Variants in SLC7A11 observed in about 807,000 individuals in gnomAD.
The protein encoded by SLC7A11 is solute carrier family 7 member 11.
In SLC7A11, 35 loss-of-function variants were observed where a neutral mutation model predicts 54.5. That is an observed-to-expected ratio of 0.64 (90% confidence interval 0.49 to 0.85). The LOEUF (loss-of-function observed/expected upper bound fraction) is 0.85. Ranked by LOEUF, SLC7A11 falls within the 40% of genes least tolerant of loss-of-function variation. The pLI, the probability that SLC7A11 is intolerant of heterozygous loss-of-function variation, is 0.00. For synonymous variants in SLC7A11, 230 were observed against 225.2 expected (o/e 1.02, Z -0.19); for missense variants, 583 against 618.1 (o/e 0.94, Z 0.60).
rs1736254629 is a variant in SLC7A11, at chr4:138,166,291, C to T, written c.*5665G>A. The stretch of plus-strand genomic sequence containing the variant: ...TAATACACATTTAAGTCAGACCACT[C>T]ACAACCCAACAAATTATACAGCTTT... On this transcript the variant is annotated 3_prime_UTR_variant, in exon 12 of 12. Coordinates refer to ENST00000280612, the MANE Select transcript of SLC7A11 (RefSeq NM_014331.4). 1 of 152,108 alleles carries T rather than the reference C, an allele frequency of 6.6e-6. No homozygotes were observed. Among genetic ancestry groups the T allele is most frequent in the African/African-American group, 2.4e-5 (1 of 41,422 alleles). 9.4% of individuals were successfully genotyped at this position (152,108 alleles called of 1,614,324 possible).
chr4:138,201,320 G>A (rs532596511), intron 6 of SLC7A11, among the ~76,000 whole-genome samples: 85 of 152,060 alleles, frequency 5.6e-4, no homozygotes, highest in Non-Finnish European at 7.8e-4. Context: ...GTATCAGTAC[G>A]GGTTATTGTT....
At chr4:138,208,070 C>T (rs1337719807) in intron 6 of SLC7A11, among the ~76,000 whole-genome samples, 1 of 151,990 alleles carries the variant, frequency 6.6e-6, no homozygotes. Flanking sequence ...GGCATTTTTC[C>T]CAAACCAAGT....
At chr4:138,178,963 TAA>T (rs1259239255) in intron 11 of SLC7A11, among the ~76,000 whole-genome samples, 1 of 152,104 alleles carries the variant, frequency 6.6e-6, no homozygotes, top group Admixed American at 6.6e-5. Context: ...GAACTACTGA[TAA>T]AATTTCATCT....
chr4:138,196,589 A>G (rs887097928), intron 6 of SLC7A11, among the ~76,000 whole-genome samples: 1 of 152,002 alleles, frequency 6.6e-6, no homozygotes, highest in Non-Finnish European at 1.5e-5. Context: ...GGAAAAAAAG[A>G]CTTGTTATGA....
At chr4:138,238,228 C>T (rs1738287843) in intron 1 of SLC7A11, among the ~76,000 whole-genome samples, 1 of 152,150 alleles carries the variant, frequency 6.6e-6, no homozygotes, top group African/African-American at 2.4e-5. Context: ...CAGCTTCTAC[C>T]TCATAAAGGA....
At chr4:138,229,258 G>T (rs956942208) in intron 3 of SLC7A11, among the ~76,000 whole-genome samples, 3 of 152,098 alleles carry the variant, frequency 2.0e-5, no homozygotes, top group African/African-American at 7.2e-5. Flanking sequence ...AGAAAGCAGG[G>T]TGTGAGAGAT....
chr4:138,193,179 T>C (rs1319527876), intron 6 of SLC7A11, among the ~76,000 whole-genome samples: 2 of 152,086 alleles, frequency 1.3e-5, no homozygotes, highest in Non-Finnish European at 2.9e-5. Context: ...CCACCCAAAA[T>C]TGCCTCCAAC....
Position 138,223,286 on chromosome 4 carries a change from T to A in SLC7A11, c.559A>T (p.Ser187Cys), listed in dbSNP as rs1227044742. 1.2e-6 allele frequency: 2 copies of A among 1,613,668 alleles called. No individual in the cohort carries two copies. The highest frequency in any genetic ancestry group is 3.3e-5 in the Admixed American group (2 of 60,006). ...MVLNSMSVSW[S>C]ARIQIFLTFC... ...GTTAAGAAAATCTGGATCCGGGCGC[T>A]CCAGCTGACACTCATGCTATTTAGG... Residue 187 changes from serine to cysteine, a missense_variant, in exon 4 of 12, where the codon AGC becomes TGC. Transcript: ENST00000280612.
rs1196601039 is a variant in SLC7A11, at chr4:138,164,620, T to C, written c.*7336A>G. On this transcript the variant is annotated 3_prime_UTR_variant, in exon 12 of 12. Coordinates refer to ENST00000280612, the MANE Select transcript of SLC7A11 (RefSeq NM_014331.4). Reference sequence around the variant, plus strand: ...AGAAATAAAATGCAGTTTTGCTCTTTAAGAATTTTATCAATGTAAGACATT... The same window carrying C: ...AGAAATAAAATGCAGTTTTGCTCTTCAAGAATTTTATCAATGTAAGACATT... The C allele has an allele frequency of 6.6e-6, 1 of 152,160 alleles. No individual in the cohort carries two copies. The highest frequency in any genetic ancestry group is 2.4e-5 in the African/African-American group (1 of 41,450). The allele number at this position is 152,160 out of a possible 1,614,324, so 9.4% of individuals were successfully genotyped here. A position where few individuals can be genotyped will look rare whatever the true frequency, so the allele number is the denominator to read the frequency against.
intron 11 of SLC7A11, among the ~76,000 whole-genome samples, chr4:138,173,299 G>A (rs972613923): frequency 1.3e-5 from 2 of 152,010 alleles, no homozygotes; most frequent in African/African-American, 4.8e-5. Flanking sequence ...CTTGTTATCT[G>A]TAATAGCTCC....
chr4:138,185,100 A>AT, intron 7 of SLC7A11, 21 bp downstream of exon 7: 1 of 1,612,156 alleles, frequency 6.2e-7, no homozygotes, highest in Non-Finnish European at 8.5e-7. Context: ...TCCAATTGGC[A>AT]TTTTCCCAAC....
intron 6 of SLC7A11, among the ~76,000 whole-genome samples, chr4:138,202,851 C>A (rs1470203451): frequency 6.6e-6 from 1 of 152,114 alleles, no homozygotes; most frequent in African/African-American, 2.4e-5. Context: ...CTTCACAACA[C>A]CAGTGTGATG....
chr4:138,177,190 T>C (rs1736591508), intron 11 of SLC7A11: 1 of 152,162 alleles, frequency 6.6e-6, no homozygotes, highest in African/African-American at 2.4e-5. Context: ...TCAATATGCA[T>C]ATCAAGGTTT....
Position 138,241,924 on chromosome 4 carries a change from C to T in SLC7A11, c.146G>A (p.Gly49Glu), listed in dbSNP as rs1405157846. 3.7e-6 allele frequency: 6 copies of T among 1,613,874 alleles called. No individual in the cohort carries two copies. Among genetic ancestry groups the T allele is most frequent in the Non-Finnish European group, 5.1e-6 (6 of 1,179,938 alleles). The change falls in exon 1 of 12, where the codon GGA becomes GAA. Residue 49 changes from glycine (G) to glutamate (E), a missense_variant. Transcript: ENST00000280612. Reference protein sequence around the residue: ...QLKRKVTLLRGVSIIIGTIIG... With the variant: ...QLKRKVTLLREVSIIIGTIIG... ...GATGGTGCCAATGATAATGGAGACT[C>T]CCCTCAGTAAAGTGACTTTCCTCTT... is the stretch of plus-strand genomic sequence containing the variant.
chr4:138,229,001 A>G (rs1393410571), intron 3 of SLC7A11, among the ~76,000 whole-genome samples: 1 of 152,142 alleles, frequency 6.6e-6, no homozygotes, highest in Non-Finnish European at 1.5e-5. Context: ...CCCCACCCTT[A>G]TCCCATTATC....
intron 11 of SLC7A11, chr4:138,177,843 T>TA (rs1167544806): frequency 1.3e-5 from 2 of 152,254 alleles, no homozygotes; most frequent in Non-Finnish European, 2.9e-5. Flanking sequence ...TTTTTCCTTT[T>TA]AGTATGTTTC....
At chr4:138,177,490 C>G (rs1302099013) in intron 11 of SLC7A11, 1 of 151,528 alleles carries the variant, frequency 6.6e-6, no homozygotes, top group Non-Finnish European at 1.5e-5. Context: ...TCTCTCCGCC[C>G]CCCCCACTTC....
At chr4:138,199,926 A>G (rs1050802387) in intron 6 of SLC7A11, among the ~76,000 whole-genome samples, 1 of 152,094 alleles carries the variant, frequency 6.6e-6, no homozygotes, top group African/African-American at 2.4e-5. Context: ...GCAAGAGGAC[A>G]CTGCACTGTG....
At chr4:138,232,483 A>T (rs1738103989) in intron 2 of SLC7A11, 101 bp from the exon 3 acceptor site, 2 of 662,086 alleles carry the variant, frequency 3.0e-6, no homozygotes, top group Non-Finnish European at 5.3e-6. Context: ...GAACATGTTA[A>T]ATATGAAAGT....
Sources: gnomAD v4.1 joint callset for allele counts (sites outside exome capture counted in the v4.1 genomes callset) on GRCh38, gnomAD v4.1.1 for gene constraint, MANE v1.5 for transcripts, NCBI Gene and HGNC (gene_info 2026-07-23, HGNC 2026-07-21) for gene names.